DACT1: variants seen among roughly 807,000 people sequenced by gnomAD.
DACT1 encodes the protein dishevelled binding antagonist of beta catenin 1, also known as dapper homolog 1.
DACT1 carries 19 observed loss-of-function variants against 35.3 expected under a neutral mutation model. The observed-to-expected ratio is 0.54, with a 90% CI of 0.38 to 0.79. The LOEUF is 0.79. DACT1 is among the 30% of genes least tolerant of loss of function. The pLI is 0.00. For synonymous variants in DACT1, 545 were observed against 466.7 expected, an observed-to-expected ratio of 1.17 and a Z score of -2.16; for missense variants, 1,143 against 1,057.5, an observed-to-expected ratio of 1.08 and a Z score of -1.12.
intron 3 of DACT1, among the ~76,000 whole-genome samples, chr14:58,644,623 C>A (rs1468479252): frequency 6.6e-6 from 1 of 152,120 alleles, no homozygotes. Context: ...CAGTTTCCAT[C>A]ACCTTTCAAT....
At chr14:58,636,485 T>C (rs764904757), upstream of DACT1, among the ~76,000 whole-genome samples, 1 of 151,882 alleles carries the variant, frequency 6.6e-6, no homozygotes, top group African/African-American at 2.4e-5. Flanking sequence ...AACACCTACG[T>C]AGATAGATAT....
In DACT1 at chr14:58,647,068, A is replaced by T; in HGVS notation, c.2334A>T (p.Ser778=). Reference sequence around the variant, plus strand: ...AAACCTTTGTCAAAATTAAGGCCTCACATAACCTCAAGAAGAAGATCCTCC... The same window carrying T: ...AAACCTTTGTCAAAATTAAGGCCTCTCATAACCTCAAGAAGAAGATCCTCC... ...PAKTFVKIKA[S]HNLKKKILRF... The change falls in exon 4 of 4, where the codon TCA becomes TCT. Residue 778 remains serine (S), a synonymous_variant. Transcript: ENST00000395153. 6.2e-7 allele frequency: 1 copy of T among 1,614,216 alleles called. No homozygotes were observed. The highest frequency in any genetic ancestry group is 1.1e-5 in the South Asian group (1 of 91,084).
Position 58,647,490 on chromosome 14 carries a change from G to A in DACT1, c.*356G>A. On this transcript the variant is annotated 3_prime_UTR_variant, in exon 4 of 4. Coordinates refer to ENST00000395153, the MANE Select transcript of DACT1 (RefSeq NM_001079520.2). ...CTTTTGATCCCAAGGTCAGGTGGATGGAATTTTTGGATTTATATTTGTTCC... is the reference window on the plus strand; with the variant it reads ...CTTTTGATCCCAAGGTCAGGTGGATAGAATTTTTGGATTTATATTTGTTCC... 1 of 283,154 alleles carries A rather than the reference G, an allele frequency of 3.5e-6. No homozygotes were observed. The highest frequency in any genetic ancestry group is 7.0e-6 in the Non-Finnish European group (1 of 143,466). The allele number at this position is 283,154 out of a possible 1,614,324, so 17.5% of individuals were successfully genotyped here. A position where few individuals can be genotyped will look rare whatever the true frequency, so the allele number is the denominator to read the frequency against.
rs2047710088 is a variant in DACT1 at position 58,647,866 on chromosome 14, A to G, written c.*732A>G. 1 of 167,100 alleles carries G rather than the reference A, an allele frequency of 6.0e-6. No individual in the cohort carries two copies. Among genetic ancestry groups the G allele is most frequent in the South Asian group, 2.1e-4 (1 of 4,828 alleles). The allele number at this position is 167,100 out of a possible 1,614,324, so 10.4% of individuals were successfully genotyped here. On this transcript the variant is annotated 3_prime_UTR_variant, in exon 4 of 4. Transcript: ENST00000395153. ...CCCTCCCTAATTTGTAGCCAGTCCA[A>G]CCTTTCATTCCTTGGAGGATTTAGT... is the stretch of plus-strand genomic sequence containing the variant.
At chr14:58,635,102 A>G (rs2047565474), upstream of DACT1, among the ~76,000 whole-genome samples, 1 of 152,188 alleles carries the variant, frequency 6.6e-6, no homozygotes, top group Admixed American at 6.5e-5. Flanking sequence ...CAACATTAGA[A>G]AGGAGATAAT....
intron 3 of DACT1, among the ~76,000 whole-genome samples, chr14:58,643,360 C>G (rs983197476): frequency 6.6e-6 from 1 of 152,170 alleles, no homozygotes; most frequent in African/African-American, 2.4e-5. Context: ...GTCCTGGGCA[C>G]AAGTCATCAC....
At chr14:58,640,077 TAGGAA>T (rs749172193) in intron 1 of DACT1, among the ~76,000 whole-genome samples, 2 of 152,232 alleles carry the variant, frequency 1.3e-5, no homozygotes, top group Non-Finnish European at 2.9e-5. Context: ...TTTCCAGCAA[TAGGAA>T]GCACTAGGTG....
upstream of DACT1, among the ~76,000 whole-genome samples, chr14:58,636,498 G>A (rs1166231715): frequency 6.6e-6 from 1 of 152,104 alleles, no homozygotes; most frequent in Admixed American, 6.5e-5. Context: ...ATAGATATGC[G>A]TGTGCACACC....
rs1178624636 is a variant in DACT1 at position 58,646,390 on chromosome 14, A to C, written c.1656A>C (p.Pro552=). Residue 552 remains proline (P), a synonymous_variant, in exon 4 of 4, where the codon CCA becomes CCC. Coordinates refer to ENST00000395153, the MANE Select transcript of DACT1 (RefSeq NM_001079520.2). The stretch of plus-strand genomic sequence containing the variant: ...ACTCCAGCCTGAAGCACCGCGGCCC[A>C]GCCCTCCAGGGGCTGGAGAACGGCT... ...VKNSSLKHRG[P]ALQGLENGLP... The C allele has an allele frequency of 6.2e-7, 1 of 1,603,868 alleles. No homozygotes were observed. Among genetic ancestry groups the C allele is most frequent in the African/African-American group, 1.4e-5 (1 of 73,996 alleles).
upstream of DACT1, among the ~76,000 whole-genome samples, chr14:58,634,940 T>C (rs187176295): frequency 4.6e-5 from 7 of 152,334 alleles, no homozygotes; most frequent in East Asian, 1.2e-3. Flanking sequence ...GCCAAGACTC[T>C]TTTTCATGCT....
At chr14:58,638,719 G>A (rs908821481) in intron 1 of DACT1, 172 bp downstream of exon 1, 40 of 1,188,432 alleles carry the variant, frequency 3.4e-5, no homozygotes, top group African/African-American at 4.7e-5. Flanking sequence ...CCCGCGGCGT[G>A]TGGGCTGCCG....
At chr14:58,636,595 A>G (rs2140209395), upstream of DACT1, among the ~76,000 whole-genome samples, 1 of 152,236 alleles carries the variant, frequency 6.6e-6, no homozygotes, top group South Asian at 2.1e-4. Flanking sequence ...GGGTGGTTAG[A>G]CCACACAGAG....
chr14:58,642,716 T>C (rs2047639668), intron 3 of DACT1, among the ~76,000 whole-genome samples: 1 of 152,152 alleles, frequency 6.6e-6, no homozygotes, highest in Admixed American at 6.5e-5. Flanking sequence ...AGTCTAACAC[T>C]CACATTAAGT....
chr14:58,647,103 C>G lies in DACT1; in HGVS notation c.2369C>G (p.Ser790Cys). The change falls in exon 4 of 4, where the codon TCT (serine) becomes TGT (cysteine). Residue 790 changes from serine to cysteine, a missense_variant. This residue lies in a region of DACT1 where 1,054 missense variants were observed against 958.8 expected (regional missense o/e 1.10). Coordinates refer to ENST00000395153, the MANE Select transcript of DACT1 (RefSeq NM_001079520.2). Reference sequence around the variant, plus strand: ...AAGAAGAAGATCCTCCGCTTTCGGTCTGGCTCTTTGAAACTGATGACGACG... The same window carrying G: ...AAGAAGAAGATCCTCCGCTTTCGGTGTGGCTCTTTGAAACTGATGACGACG... ...NLKKKILRFR[S>C]GSLKLMTTV 6.2e-7 allele frequency: 1 copy of G among 1,614,152 alleles called. No homozygotes were observed. Among genetic ancestry groups the G allele is most frequent in the Non-Finnish European group, 8.5e-7 (1 of 1,180,044 alleles).
rs1417374156 is a variant in DACT1 at position 58,645,907 on chromosome 14, C to G, written c.1173C>G (p.Ala391=). Residue 391 remains alanine (A), a synonymous_variant, in exon 4 of 4, where the codon GCC becomes GCG. Transcript: ENST00000395153. ...QWSKESKAEQ[A]ESKRVPLPEG... is the part of the protein sequence containing the mutation. ...CGAAAGAATCAAAGGCCGAACAAGCCGAAAGCAAGAGGGTGCCCCTGCCAG... is the reference window on the plus strand; with the variant it reads ...CGAAAGAATCAAAGGCCGAACAAGCGGAAAGCAAGAGGGTGCCCCTGCCAG... 9.3e-6 allele frequency: 15 copies of G among 1,614,054 alleles called. No homozygotes were observed. Among genetic ancestry groups the G allele is most frequent in the Admixed American group, 8.3e-5 (5 of 60,002 alleles).
In DACT1 at chr14:58,646,199, C is replaced by A; in HGVS notation, c.1465C>A (p.Leu489Met). ...QGVPPATPPLLSTAFPVEERP... is the reference protein window; with the variant it reads ...QGVPPATPPLMSTAFPVEERP... ...CGTCCCCCCGGCCACTCCTCCCCTG[C>A]TGTCTACAGCTTTCCCCGTGGAAGA... The change falls in exon 4 of 4, where the codon CTG (leucine) becomes ATG (methionine). Residue 489 changes from leucine to methionine, a missense_variant. Coordinates refer to ENST00000395153, the MANE Select transcript of DACT1 (RefSeq NM_001079520.2). 1 of 1,613,530 alleles carries A rather than the reference C, an allele frequency of 6.2e-7. No homozygotes were observed. Among genetic ancestry groups the A allele is most frequent in the Non-Finnish European group, 8.5e-7 (1 of 1,179,834 alleles).
intron 1 of DACT1, 36 bp downstream of exon 1, chr14:58,638,583 T>C (rs2047597595): frequency 1.5e-6 from 2 of 1,313,188 alleles, no homozygotes; most frequent in Admixed American, 3.2e-5. Flanking sequence ...CGGCTGTTCC[T>C]GCCCAGGGGC....
intron 3 of DACT1, among the ~76,000 whole-genome samples, chr14:58,645,046 C>T (rs1055471741): frequency 6.6e-6 from 1 of 152,074 alleles, no homozygotes; most frequent in African/African-American, 2.4e-5. Context: ...GAATTTTTTT[C>T]CTTCAGAGGA....
chr14:58,637,273 T>A (rs1187709717), upstream of DACT1, among the ~76,000 whole-genome samples: 2 of 152,248 alleles, frequency 1.3e-5, no homozygotes, highest in Non-Finnish European at 2.9e-5. Context: ...TGTAAAAGAA[T>A]TGATGCAACC....
Sources: allele counts gnomAD v4.1 joint callset (sites outside exome capture counted in the v4.1 genomes callset), GRCh38; gene constraint gnomAD v4.1.1; regional missense constraint gnomAD v4.1.1; transcripts MANE v1.5; gene names NCBI Gene and HGNC (gene_info 2026-07-23, HGNC 2026-07-21).